The following IL1RAPL1 variants were observed in gnomAD, a reference collection of about 807,000 sequenced individuals.
The protein encoded by IL1RAPL1 is interleukin 1 receptor accessory protein like 1.
In IL1RAPL1, 3 loss-of-function variants were observed where a neutral mutation model predicts 48.4. That is an observed-to-expected ratio of 0.06 (90% CI 0.03 to 0.16). IL1RAPL1 has a LOEUF of 0.16. IL1RAPL1 is among the 10% of genes least tolerant of loss of function. IL1RAPL1 has a pLI of 1.00. For synonymous variants in IL1RAPL1, 185 were observed against 187.7 expected (o/e 0.99, Z 0.12); for missense variants, 349 against 530.6 (o/e 0.66, Z 3.36).
chrX:29,368,246 C>G (rs760012802), intron 3 of IL1RAPL1, among the ~76,000 whole-genome samples: 2 of 112,239 alleles, frequency 1.8e-5, no homozygotes, highest in Non-Finnish European at 3.8e-5. Context: ...AGGTTATATG[C>G]AAAGACTGTG....
chrX:28,969,902 AAC>A (rs67181248), intron 2 of IL1RAPL1, among the ~76,000 whole-genome samples: 753 of 44,459 alleles, frequency 0.017, 78 homozygotes, highest in Middle Eastern at 0.042. Flanking sequence ...TATGTTTCTA[AAC>A]ACACATATAT....
Position 29,822,321 on chromosome X carries a change from A to T in IL1RAPL1, c.779-95143A>T, listed in dbSNP as rs769050681. Among the ~76,000 whole-genome samples the T allele has an allele frequency of 3.6e-5, 4 of 111,808 alleles. No individual in the cohort carries two copies. The East Asian group carries it at 1.1e-3, about 31-fold the overall frequency. The stretch of plus-strand genomic sequence containing the variant: ...ATTGTAATATTAAAGAACTAATGGA[A>T]CTAACGGTGAAGATTTACTAGGCAT... On this transcript the variant is annotated intron_variant, in intron 6 of 10. Transcript: ENST00000378993.
At chrX:29,433,323 T>A (rs1455838205) in intron 5 of IL1RAPL1, among the ~76,000 whole-genome samples, 1 of 111,230 alleles carries the variant, frequency 9.0e-6, no homozygotes, top group Non-Finnish European at 1.9e-5. Context: ...GTTTTTGTGC[T>A]TTAATAACAA....
At chrX:29,481,660 G>A (rs996225692) in intron 5 of IL1RAPL1, among the ~76,000 whole-genome samples, 3 of 111,802 alleles carry the variant, frequency 2.7e-5, no homozygotes, top group African/African-American at 9.8e-5. Flanking sequence ...CCCTTTGTGG[G>A]CAGAGCTGTT....
intron 2 of IL1RAPL1, among the ~76,000 whole-genome samples, chrX:28,908,084 G>A (rs759114607): frequency 9.0e-6 from 1 of 110,887 alleles, no homozygotes; most frequent in Non-Finnish European, 1.9e-5. Flanking sequence ...TTTTGATATT[G>A]GTAATTTTTG....
At chrX:29,577,522 C>T (rs1286455814) in intron 5 of IL1RAPL1, among the ~76,000 whole-genome samples, 1 of 111,589 alleles carries the variant, frequency 9.0e-6, no homozygotes, top group East Asian at 2.8e-4. Context: ...GCTCAGTACC[C>T]CAATCTGAGC....
At chrX:29,222,506 A>C (rs1051989173) in intron 2 of IL1RAPL1, among the ~76,000 whole-genome samples, 2 of 112,031 alleles carry the variant, frequency 1.8e-5, no homozygotes, top group African/African-American at 6.5e-5. Flanking sequence ...ATAAGGACAT[A>C]TGACTGACTA....
intron 5 of IL1RAPL1, among the ~76,000 whole-genome samples, chrX:29,448,904 G>A (rs1019743750): frequency 4.5e-5 from 5 of 110,968 alleles, no homozygotes; most frequent in Non-Finnish European, 7.6e-5. Context: ...CTCACATGGC[G>A]GAGAAGGAGG....
At chrX:29,497,737 ATAATT>A (rs1262469385) in intron 5 of IL1RAPL1, among the ~76,000 whole-genome samples, 2 of 110,171 alleles carry the variant, frequency 1.8e-5, no homozygotes, top group Non-Finnish European at 3.8e-5. Flanking sequence ...AGAAAATATA[ATAATT>A]TAAGGAGATA....
chrX:29,118,379 A>G (rs767308495), intron 2 of IL1RAPL1, among the ~76,000 whole-genome samples: 69 of 111,973 alleles, frequency 6.2e-4, no homozygotes, highest in African/African-American at 1.9e-3. Context: ...AGGGACACAG[A>G]GAAGTTAAAA....
intron 2 of IL1RAPL1, among the ~76,000 whole-genome samples, chrX:29,167,299 C>T (rs1929804547): frequency 9.2e-6 from 1 of 108,818 alleles, no homozygotes; most frequent in Non-Finnish European, 1.9e-5. Context: ...ATTCCGCTTC[C>T]CCTTCCCCTT....
At chrX:28,762,350 A>C in intron 1 of IL1RAPL1, among the ~76,000 whole-genome samples, 1 of 111,994 alleles carries the variant, frequency 8.9e-6, no homozygotes, top group Middle Eastern at 4.6e-3. Context: ...AAATCAAAAT[A>C]GGAATAAAAG....
At chrX:29,213,567 T>A (rs1189964965) in intron 2 of IL1RAPL1, among the ~76,000 whole-genome samples, 1 of 112,537 alleles carries the variant, frequency 8.9e-6, no homozygotes, top group South Asian at 3.7e-4. Flanking sequence ...CTTTTTATAA[T>A]GTGGCCTCCT....
At chrX:29,387,187 A>G (rs1203326275) in intron 3 of IL1RAPL1, among the ~76,000 whole-genome samples, 1 of 112,032 alleles carries the variant, frequency 8.9e-6, no homozygotes, top group African/African-American at 3.2e-5. Context: ...TGCTATGAAC[A>G]TGTAATTTGA....
At chrX:29,316,746 T>C (rs997557573) in intron 3 of IL1RAPL1, among the ~76,000 whole-genome samples, 2 of 111,636 alleles carry the variant, frequency 1.8e-5, no homozygotes, top group African/African-American at 3.3e-5. Flanking sequence ...AAGGAATGTT[T>C]TAAGTTAAGA....
intron 5 of IL1RAPL1, among the ~76,000 whole-genome samples, chrX:29,417,395 G>C (rs767717147): frequency 3.6e-5 from 4 of 111,610 alleles, no homozygotes; most frequent in African/African-American, 1.3e-4. Flanking sequence ...AGCATCTCTT[G>C]TTCCATCTGG....
intron 2 of IL1RAPL1, among the ~76,000 whole-genome samples, chrX:29,102,113 A>G (rs1197477896): frequency 9.0e-6 from 1 of 111,216 alleles, no homozygotes; most frequent in Admixed American, 9.6e-5. Context: ...ATAAAATTCA[A>G]CATCCCTTCA....
intron 5 of IL1RAPL1, among the ~76,000 whole-genome samples, chrX:29,499,858 ATAATT>A (rs1476288946): frequency 1.8e-5 from 2 of 112,303 alleles, no homozygotes; most frequent in Non-Finnish European, 3.8e-5. Flanking sequence ...GGCATATGTG[ATAATT>A]TAATATATTC....
chrX:29,870,037 A>C (rs150585944), intron 6 of IL1RAPL1, among the ~76,000 whole-genome samples: 154 of 111,745 alleles, frequency 1.4e-3, no homozygotes, highest in African/African-American at 4.6e-3. Flanking sequence ...AGGCAGCCAG[A>C]AAGGATCAAT....
Sources: allele counts gnomAD v4.1 joint callset (sites outside exome capture counted in the v4.1 genomes callset), GRCh38; gene constraint gnomAD v4.1.1; transcripts MANE v1.5; gene names NCBI Gene and HGNC (gene_info 2026-07-23, HGNC 2026-07-21).